The following PIEZO2 variants were observed in gnomAD, a reference collection of about 807,000 sequenced individuals.
PIEZO2 encodes piezo-type mechanosensitive ion channel component 2.
In PIEZO2, 172 loss-of-function variants were observed where a neutral mutation model predicts 337.3. That is an observed-to-expected ratio of 0.51 (90% CI 0.45 to 0.58). PIEZO2 has a LOEUF of 0.58. PIEZO2 is among the 20% of genes least tolerant of loss of function. The pLI, the probability that PIEZO2 is intolerant of heterozygous loss-of-function variation, is 0.00. For missense variants in PIEZO2, 3,028 were observed against 3,391.3 expected (o/e 0.89, Z 2.66); for synonymous variants, 1,251 against 1,228.5 (o/e 1.02, Z -0.38).
intron 3 of PIEZO2, among the ~76,000 whole-genome samples, chr18:10,919,951 A>C (rs929905680): frequency 1.3e-5 from 2 of 152,188 alleles, no homozygotes; most frequent in Non-Finnish European, 2.9e-5. Flanking sequence ...TAATAGGTCA[A>C]TTTAACTGAA....
chr18:10,786,517 C>A lies in PIEZO2; in HGVS notation c.2318+519G>T, dbSNP rs184709573. ...ACCCAATGCTGGCTGGATTTCCAAA[C>A]TAATTTCAGAAGTTTACAGAAGAAA... On this transcript the variant is annotated intron_variant, in intron 16 of 55. Transcript: ENST00000674853. Among the ~76,000 whole-genome samples, 381 of 152,328 alleles carry A rather than the reference C, an allele frequency of 2.5e-3. 7 individuals carry two copies. Among genetic ancestry groups the A allele is most frequent in the Admixed American group, 0.019 (298 of 15,302 alleles).
At chr18:11,052,582 G>C (rs1460563861) in intron 2 of PIEZO2, among the ~76,000 whole-genome samples, 1 of 152,020 alleles carries the variant, frequency 6.6e-6, no homozygotes, top group African/African-American at 2.4e-5. Context: ...GGAGTAAGGA[G>C]GTGGCTTTCT....
chr18:11,124,562 C>T (rs1370452256), intron 1 of PIEZO2, among the ~76,000 whole-genome samples: 1 of 152,158 alleles, frequency 6.6e-6, no homozygotes, highest in African/African-American at 2.4e-5. Flanking sequence ...GTTTCCCAAA[C>T]CAGATAGTTC....
chr18:11,093,659 T>TCACTG (rs1218396308), intron 1 of PIEZO2, among the ~76,000 whole-genome samples: 1 of 135,110 alleles, frequency 7.4e-6, no homozygotes, highest in Non-Finnish European at 1.5e-5. Flanking sequence ...CAATCTCGGC[T>TCACTG]CACTGCAAGC....
chr18:10,892,407 C>T (rs539394774), intron 4 of PIEZO2, among the ~76,000 whole-genome samples: 73 of 152,266 alleles, frequency 4.8e-4, no homozygotes, highest in African/African-American at 1.7e-3. Flanking sequence ...ATTCCATTCA[C>T]ATGACAATCC....
intron 1 of PIEZO2, among the ~76,000 whole-genome samples, chr18:11,140,361 G>A (rs972476220): frequency 6.6e-6 from 1 of 152,190 alleles, no homozygotes; most frequent in African/African-American, 2.4e-5. Context: ...TTTGGTGCCT[G>A]TTTCCGCCAC....
At chr18:10,840,238 A>T (rs1204922305) in intron 7 of PIEZO2, among the ~76,000 whole-genome samples, 1 of 152,248 alleles carries the variant, frequency 6.6e-6, no homozygotes, top group African/African-American at 2.4e-5. Flanking sequence ...GCATGTTATT[A>T]ATTTGTTCTA....
intron 1 of PIEZO2, among the ~76,000 whole-genome samples, chr18:11,100,809 A>G (rs1057432815): frequency 2.0e-5 from 3 of 152,058 alleles, no homozygotes; most frequent in African/African-American, 7.2e-5. Flanking sequence ...GTTAGCCAGG[A>G]TGGTCTCGAT....
At position 11,048,061 on chromosome 18, in the gene PIEZO2, G is replaced by A. The variant is rs2037382034; in HGVS notation, c.160+18066C>T. Among the ~76,000 whole-genome samples the A allele has an allele frequency of 6.6e-6, 1 of 152,132 alleles. No homozygotes were observed. Among genetic ancestry groups the A allele is most frequent in the Non-Finnish European group, 1.5e-5 (1 of 68,028 alleles). Reference sequence around the variant, plus strand: ...CAACCCACCCAGTGACACCTGCTGGGTGTAGACAGTCAAGAGCACAGCGGC... The same window carrying A: ...CAACCCACCCAGTGACACCTGCTGGATGTAGACAGTCAAGAGCACAGCGGC... On this transcript the variant is annotated intron_variant, in intron 2 of 55. Coordinates refer to ENST00000674853, the MANE Select transcript of PIEZO2 (RefSeq NM_001378183.1). This position sits in a 1 kb window ranked among gnomAD's most constrained non-coding sequence, Gnocchi z 4.5.
rs185435401 is a variant in PIEZO2, at chr18:10,861,739, C to T, written c.493-4528G>A. Among the ~76,000 whole-genome samples the T allele has an allele frequency of 2.3e-3, 345 of 152,290 alleles. No individual in the cohort carries two copies. Among genetic ancestry groups the T allele is most frequent in the African/African-American group, 8.1e-3 (335 of 41,564 alleles). Reference sequence around the variant, plus strand: ...TAATGTATATTTCAAAATAGTTGGCCGGGCACAGTGGTTCATGCCTATAAT... The same window carrying T: ...TAATGTATATTTCAAAATAGTTGGCTGGGCACAGTGGTTCATGCCTATAAT... On this transcript the variant is annotated intron_variant, in intron 5 of 55. Transcript: ENST00000674853. This position sits in a 1 kb window ranked among gnomAD's most constrained non-coding sequence, Gnocchi z 4.3.
intron 2 of PIEZO2, among the ~76,000 whole-genome samples, chr18:11,063,970 GGAA>G (rs1250763987): frequency 3.9e-5 from 6 of 152,090 alleles, no homozygotes; most frequent in Middle Eastern, 3.4e-3. Flanking sequence ...TGGCCACATT[GGAA>G]GAAGAAGAAT....
intron 2 of PIEZO2, among the ~76,000 whole-genome samples, chr18:11,025,348 T>C (rs146479179): frequency 0.012 from 1,817 of 152,316 alleles, 39 homozygotes; most frequent in African/African-American, 0.04. Context: ...ACGGGGCAGA[T>C]AACCATATTT....
At chr18:11,026,030 A>G (rs2036528364) in intron 2 of PIEZO2, among the ~76,000 whole-genome samples, 1 of 152,002 alleles carries the variant, frequency 6.6e-6, no homozygotes, top group Non-Finnish European at 1.5e-5. Flanking sequence ...GCACCATCAC[A>G]AGTAGGAAGC....
chr18:11,082,684 T>A (rs937466671), intron 1 of PIEZO2, among the ~76,000 whole-genome samples: 6 of 152,214 alleles, frequency 3.9e-5, no homozygotes, highest in Non-Finnish European at 5.9e-5. Flanking sequence ...AAGTTTTTTT[T>A]ATCAGAAAAA....
Position 11,137,820 on chromosome 18 carries a change from C to A in PIEZO2, c.64+10705G>T, listed in dbSNP as rs765430372. ...CTGCACCTGTGGCCAAACTGCTGCC[C>A]TAGAGGGTTTGACCGCAAGAGAAAA... On this transcript the variant is annotated intron_variant, in intron 1 of 55. Coordinates refer to ENST00000674853, the MANE Select transcript of PIEZO2 (RefSeq NM_001378183.1). 4.6e-5 allele frequency among the ~76,000 whole-genome samples: 7 copies of A among 152,246 alleles called. No homozygotes were observed. The East Asian group carries it at 1.4e-3, about 29-fold the overall frequency.
At chr18:11,061,815 T>G (rs1239596439) in intron 2 of PIEZO2, among the ~76,000 whole-genome samples, 2 of 152,132 alleles carry the variant, frequency 1.3e-5, no homozygotes, top group Non-Finnish European at 2.9e-5. Context: ...ATCAATATCG[T>G]GAAAATGGCC....
At chr18:10,728,652 T>C (rs2144040260) in intron 36 of PIEZO2, 1 of 151,888 alleles carries the variant, frequency 6.6e-6, no homozygotes, top group East Asian at 1.9e-4. Flanking sequence ...TTGTAAAGCA[T>C]GAACTTATTG....
At chr18:10,714,061 G>C (rs2035918578) in intron 39 of PIEZO2, among the ~76,000 whole-genome samples, 1 of 152,130 alleles carries the variant, frequency 6.6e-6, no homozygotes, top group Non-Finnish European at 1.5e-5. Context: ...TTGGATTGCG[G>C]GTCCGCTTTT....
rs964914276 is a variant in PIEZO2, at chr18:10,784,696, T to C, written c.2492+88A>G. Reference sequence around the variant, plus strand: ...TTCAAGGCTGAAACTTTTAGATTACTGGCTTCTCGCAAGGTGGCCAACCTA... The same window carrying C: ...TTCAAGGCTGAAACTTTTAGATTACCGGCTTCTCGCAAGGTGGCCAACCTA... On this transcript the variant is annotated intron_variant, in intron 17 of 55. Coordinates refer to ENST00000674853, the MANE Select transcript of PIEZO2 (RefSeq NM_001378183.1). This position sits in a 1 kb window ranked among gnomAD's most constrained non-coding sequence, Gnocchi z 4.5. The C allele has an allele frequency of 2.8e-5, 35 of 1,251,366 alleles. 1 individual carries two copies. In the Admixed American group the frequency reaches 1.0e-3, roughly 37 times the overall value. The allele number at this position is 1,251,366 out of a possible 1,614,324, so 77.5% of individuals were successfully genotyped here. A position where few individuals can be genotyped will look rare whatever the true frequency, so the allele number is the denominator to read the frequency against.
Sources: allele counts gnomAD v4.1 joint callset (sites outside exome capture counted in the v4.1 genomes callset), GRCh38; gene constraint gnomAD v4.1.1; non-coding constraint Gnocchi (gnomAD v3.1); transcripts MANE v1.5; gene names NCBI Gene and HGNC (gene_info 2026-07-23, HGNC 2026-07-21).